The following NCR1 variants were observed in gnomAD, a reference collection of about 807,000 sequenced individuals.
NCR1 encodes the protein natural cytotoxicity triggering receptor 1, also known as NK cell-activating receptor.
A neutral mutation model predicts 32.5 loss-of-function variants in NCR1; 30 were observed. That is an observed-to-expected ratio of 0.92 (90% CI 0.69 to 1.25). The LOEUF (loss-of-function observed/expected upper bound fraction) is 1.25. NCR1 is among the 50% of genes most tolerant of loss of function. The probability of loss-of-function intolerance (pLI) is 0.00; values close to 1 mark genes in which losing one functional copy is unlikely to be tolerated. For missense variants in NCR1, 369 were observed against 380.7 expected, an observed-to-expected ratio of 0.97 and a Z score of 0.26; for synonymous variants, 169 against 143.4, an observed-to-expected ratio of 1.18 and a Z score of -1.28.
chr19:54,923,026 C>CCT, the NCR1 span, among the ~76,000 whole-genome samples: 1 of 152,010 alleles, frequency 6.6e-6, no homozygotes, highest in African/African-American at 2.4e-5. Context: ...CCCGTGGGAG[C>CCT]CGAGCAGAAC....
chr19:54,930,715 C>A, the NCR1 span: 10 of 1,499,780 alleles, frequency 6.7e-6, no homozygotes, highest in South Asian at 9.0e-5. Flanking sequence ...CTGGCTAACG[C>A]CCTGTGAAGC....
chr19:54,902,528 A>T (rs2067318334), upstream of NCR1, among the ~76,000 whole-genome samples: 1 of 152,034 alleles, frequency 6.6e-6, no homozygotes, highest in East Asian at 1.9e-4. Flanking sequence ...CGGCCTCCCA[A>T]AGTGCTGGGA....
chr19:54,927,201 C>A, the NCR1 span, among the ~76,000 whole-genome samples: 16 of 151,960 alleles, frequency 1.1e-4, no homozygotes, highest in African/African-American at 3.6e-4. Flanking sequence ...CTAGCCTGGC[C>A]AACATGGTGA....
the NCR1 span, among the ~76,000 whole-genome samples, chr19:54,933,006 T>A: frequency 6.6e-6 from 1 of 152,122 alleles, no homozygotes; most frequent in African/African-American, 2.4e-5. Context: ...CAGTACTATG[T>A]CATAGGAATT....
downstream of NCR1, among the ~76,000 whole-genome samples, chr19:54,913,496 A>G (rs958155962): frequency 6.6e-6 from 1 of 152,088 alleles, no homozygotes; most frequent in African/African-American, 2.4e-5. Context: ...CCATGGAAAT[A>G]TTTTTTTCCT....
chr19:54,925,097 T>G, the NCR1 span, among the ~76,000 whole-genome samples: 1 of 152,064 alleles, frequency 6.6e-6, no homozygotes, highest in Non-Finnish European at 1.5e-5. Context: ...GTGGAGACAC[T>G]GGCTTGCTAT....
the NCR1 span, among the ~76,000 whole-genome samples, chr19:54,898,813 T>C: frequency 1.3e-5 from 2 of 152,170 alleles, no homozygotes; most frequent in African/African-American, 4.8e-5. Flanking sequence ...GCCTTTAGCT[T>C]CAGCCACCTT....
At chr19:54,922,329 G>A in the NCR1 span, among the ~76,000 whole-genome samples, 1 of 152,180 alleles carries the variant, frequency 6.6e-6, no homozygotes, top group Non-Finnish European at 1.5e-5. Context: ...GGAAAATTGC[G>A]GAGTGACTTC....
downstream of NCR1, among the ~76,000 whole-genome samples, chr19:54,916,702 ATTTTT>A (rs35842513): frequency 2.0e-5 from 1 of 50,480 alleles, no homozygotes; most frequent in Admixed American, 3.0e-4. Context: ...CAACTGTTCT[ATTTTT>A]TTTTTTTTTT....
chr19:54,923,052 C>T, the NCR1 span, among the ~76,000 whole-genome samples: 1 of 152,018 alleles, frequency 6.6e-6, no homozygotes, highest in African/African-American at 2.4e-5. Flanking sequence ...TGAGGCAGGG[C>T]CATCTTCTGA....
At chr19:54,905,287 G>C (rs1023980699), upstream of NCR1, among the ~76,000 whole-genome samples, 3 of 152,170 alleles carry the variant, frequency 2.0e-5, no homozygotes, top group African/African-American at 7.2e-5. Context: ...ATTCTGACTG[G>C]TGTGAGATGG....
downstream of NCR1, among the ~76,000 whole-genome samples, chr19:54,916,317 C>CTTTTTTTTTTTTTTTTTTTGTTTTTTTTT (rs2068131652): frequency 1.1e-5 from 1 of 87,124 alleles, no homozygotes; most frequent in Non-Finnish European, 2.3e-5. Context: ...GAATATTGTG[C>CTTTTTTTTTTTTTTTTTTTGTTTTTTTTT]TTTTTTTTTT....
At chr19:54,937,144 G>A in the NCR1 span, among the ~76,000 whole-genome samples, 1 of 151,628 alleles carries the variant, frequency 6.6e-6, no homozygotes, top group Non-Finnish European at 1.5e-5. Flanking sequence ...CATGAACCCG[G>A]GAGGCAGGGC....
chr19:54,903,347 T>TATACATAC (rs1249062475), upstream of NCR1, among the ~76,000 whole-genome samples: 7 of 125,402 alleles, frequency 5.6e-5, no homozygotes, highest in African/African-American at 2.6e-4. Context: ...TATATACATA[T>TATACATAC]ATGCATATAT....
the NCR1 span, chr19:54,938,097 C>T: frequency 2.5e-6 from 4 of 1,614,064 alleles, no homozygotes; most frequent in Non-Finnish European, 3.4e-6. Context: ...AAAGAATCCG[C>T]ACAGAAGAGT....
chr19:54,903,392 A>G (rs149949385), upstream of NCR1, among the ~76,000 whole-genome samples: 3,982 of 131,974 alleles, frequency 0.03, 216 homozygotes, highest in African/African-American at 0.074. Context: ...GTATATACAT[A>G]TATGTATATG....
chr19:54,937,696 G>A, the NCR1 span, among the ~76,000 whole-genome samples: 1 of 151,952 alleles, frequency 6.6e-6, no homozygotes. Flanking sequence ...TCAGGAGCTC[G>A]AGATCAGCCT....
chr19:54,918,336 G>C (rs116925351), downstream of NCR1, among the ~76,000 whole-genome samples: 58 of 151,670 alleles, frequency 3.8e-4, no homozygotes, highest in East Asian at 8.8e-3. Context: ...CGTGGCCTCA[G>C]CTCACTGCAA....
chr19:54,934,515 G>C, the NCR1 span: 1 of 1,614,138 alleles, frequency 6.2e-7, no homozygotes, highest in African/African-American at 1.3e-5. This position sits in a 1 kb window ranked among gnomAD's most constrained non-coding sequence, Gnocchi z 6.7. Flanking sequence ...AGTGTTTTGG[G>C]CGTGTCATGG....
Sources: gnomAD v4.1 joint callset for allele counts (sites outside exome capture counted in the v4.1 genomes callset) on GRCh38, gnomAD v4.1.1 for gene constraint, Gnocchi (gnomAD v3.1) non-coding constraint, MANE v1.5 for transcripts, NCBI Gene and HGNC (gene_info 2026-07-23, HGNC 2026-07-21) for gene names.